Variants in UHRF2 observed in about 807,000 individuals in gnomAD.
UHRF2 encodes E3 ubiquitin-protein ligase UHRF2.
A neutral mutation model predicts 96.8 loss-of-function variants in UHRF2; 23 were observed. The ratio of observed to expected loss-of-function variants is 0.24; its 90% CI spans 0.17 to 0.34. The LOEUF (loss-of-function observed/expected upper bound fraction) is 0.34, where lower values mean the gene tolerates loss of function less well. Among genes scored for constraint, UHRF2 ranks in the 10% least tolerant of loss-of-function variants. The pLI, the probability that UHRF2 is intolerant of heterozygous loss-of-function variation, is 1.00. For missense variants in UHRF2, 685 were observed against 981.5 expected, an observed-to-expected ratio of 0.70 and a Z score of 4.04; for synonymous variants, 385 against 332.6, an observed-to-expected ratio of 1.16 and a Z score of -1.72.
At chr9:6,443,378 C>T (rs1316050477) in intron 3 of UHRF2, among the ~76,000 whole-genome samples, 1 of 152,172 alleles carries the variant, frequency 6.6e-6, no homozygotes, top group Non-Finnish European at 1.5e-5. Context: ...GTGGGAATAA[C>T]TGAGGTTTAA....
rs111418823 is a variant in UHRF2, at chr9:6,488,960, G to A, written c.1497+2035G>A. Among the ~76,000 whole-genome samples the A allele has an allele frequency of 5.3e-3, 808 of 151,918 alleles. 7 individuals are homozygous for A. Among genetic ancestry groups the A allele is most frequent in the African/African-American group, 0.018 (751 of 41,418 alleles). ...TCCGAGTAGCTGGGACTACAGGCAT[G>A]CATCGCCATTGACTAATTTTTGTAT... On this transcript the variant is annotated intron_variant, in intron 9 of 15. Coordinates refer to ENST00000276893, the MANE Select transcript of UHRF2 (RefSeq NM_152896.3).
At chr9:6,463,682 G>A (rs1822693221) in intron 4 of UHRF2, among the ~76,000 whole-genome samples, 1 of 152,050 alleles carries the variant, frequency 6.6e-6, no homozygotes, top group South Asian at 2.1e-4. Context: ...TGTTGTCCAG[G>A]CTGGTTTCGA....
chr9:6,486,781 G>T (rs761599432), intron 8 of UHRF2, 40 bp from the exon 9 acceptor site: 26 of 1,591,716 alleles, frequency 1.6e-5, no homozygotes, highest in Middle Eastern at 1.7e-4. Context: ...TATCTTAACT[G>T]TTCAGAGGTA....
intron 2 of UHRF2, among the ~76,000 whole-genome samples, chr9:6,426,689 C>G (rs982227421): frequency 3.3e-5 from 5 of 152,084 alleles, no homozygotes; most frequent in African/African-American, 9.7e-5. Flanking sequence ...CACATACTGA[C>G]TTGTTGACTA....
intron 9 of UHRF2, chr9:6,492,832 C>CTTTTTTTTTTTTT (rs34371545): frequency 1.0e-4 from 9 of 89,488 alleles, no homozygotes; most frequent in Non-Finnish European, 1.3e-4. Context: ...GAGCTTTTGG[C>CTTTTTTTTTTTTT]TTTTTTTTTT....
chr9:6,443,141 C>A (rs192398679), intron 3 of UHRF2, among the ~76,000 whole-genome samples: 1 of 152,184 alleles, frequency 6.6e-6, no homozygotes, highest in African/African-American at 2.4e-5. Context: ...TGTATCTGAT[C>A]TTAAGAATGA....
intron 9 of UHRF2, among the ~76,000 whole-genome samples, chr9:6,488,841 C>G (rs1190742487): frequency 1.3e-5 from 2 of 148,768 alleles, no homozygotes; most frequent in Non-Finnish European, 3.0e-5. Flanking sequence ...GAGATAGAGT[C>G]TCACTCTGTC....
Position 6,436,293 on chromosome 9 carries a change from C to T in UHRF2, c.644+2120C>T, listed in dbSNP as rs1820845805. ...CTTATTGTGGTTGTGGCTAAGCGGCCAACACTGCTTACTTGACATGATAGA... is the reference window on the plus strand; with the variant it reads ...CTTATTGTGGTTGTGGCTAAGCGGCTAACACTGCTTACTTGACATGATAGA... On this transcript the variant is annotated intron_variant, in intron 3 of 15. Transcript: ENST00000276893. Among the ~76,000 whole-genome samples, 2 of 151,984 alleles carry T rather than the reference C, an allele frequency of 1.3e-5. 1 individual carries two copies. The highest frequency in any genetic ancestry group is 4.1e-4 in the South Asian group (2 of 4,824).
At chr9:6,450,758 C>T (rs1414449699) in intron 3 of UHRF2, among the ~76,000 whole-genome samples, 2 of 152,158 alleles carry the variant, frequency 1.3e-5, no homozygotes, top group Non-Finnish European at 2.9e-5. Context: ...TTTGGAAGAT[C>T]CTTCAAGTTT....
Position 6,413,343 on chromosome 9 carries a change from G to A in UHRF2, c.-148G>A. On this transcript the variant is annotated 5_prime_UTR_variant, in exon 1 of 16. Transcript: ENST00000276893. ...CGCTGAGAGTCGTCGCCGCCTGTCG[G>A]GCCCGGCGTCCGGTCGGTCCGGTGG... 1.3e-6 allele frequency: 1 copy of A among 756,524 alleles called. No individual in the cohort carries two copies. Among genetic ancestry groups the A allele is most frequent in the Non-Finnish European group, 1.7e-6 (1 of 580,232 alleles). 46.9% of individuals were successfully genotyped at this position (756,524 alleles called of 1,614,324 possible).
intron 4 of UHRF2, among the ~76,000 whole-genome samples, chr9:6,462,409 G>A (rs1822599220): frequency 6.6e-6 from 1 of 152,050 alleles, no homozygotes; most frequent in Admixed American, 6.6e-5. Context: ...ACAAAAGTGT[G>A]ATTCTATTGC....
rs1273474084 is a variant in UHRF2 at position 6,421,006 on chromosome 9, C to T, written c.248C>T (p.Thr83Ile). Residue 83 changes from threonine (T) to isoleucine (I), a missense_variant, in exon 2 of 16, where the codon ACA becomes ATA. By Grantham distance (89) the Thr-to-Ile change is moderately conservative. Around this residue, in one of 6 missense-constraint regions of UHRF2, gnomAD observed 391 missense variants for 437.0 expected, o/e 0.89. Coordinates refer to ENST00000276893, the MANE Select transcript of UHRF2 (RefSeq NM_152896.3). ...VRPDPDHLPG[T>I]STQIEAKPCS... ...CCAGACCCTGATCATCTTCCTGGCA[C>T]ATCTACACAGATTGAGGCTAAACCC... 1.2e-6 allele frequency: 2 copies of T among 1,613,310 alleles called. No homozygotes were observed. The highest frequency in any genetic ancestry group is 1.1e-5 in the South Asian group (1 of 90,998).
At chr9:6,423,597 G>A (rs1013602950) in intron 2 of UHRF2, among the ~76,000 whole-genome samples, 2 of 149,234 alleles carry the variant, frequency 1.3e-5, no homozygotes, top group East Asian at 3.9e-4. Flanking sequence ...AATTTAAAAT[G>A]TTTTCTGCAT....
intron 4 of UHRF2, among the ~76,000 whole-genome samples, chr9:6,474,980 A>G (rs773806645): frequency 3.9e-5 from 6 of 152,234 alleles, no homozygotes; most frequent in East Asian, 1.9e-4. Flanking sequence ...TATTGCTTAC[A>G]TAAAAGAAAT....
chr9:6,435,809 A>G (rs1018754771), intron 3 of UHRF2, among the ~76,000 whole-genome samples: 3 of 151,976 alleles, frequency 2.0e-5, no homozygotes, highest in Non-Finnish European at 4.4e-5. Context: ...GGGTTTCACT[A>G]TGTTGGCCAC....
chr9:6,459,150 G>A (rs957635685), intron 3 of UHRF2, among the ~76,000 whole-genome samples: 2 of 152,064 alleles, frequency 1.3e-5, no homozygotes, highest in Non-Finnish European at 2.9e-5. Flanking sequence ...AAACCACCGT[G>A]GCACCTGTAT....
At chr9:6,478,858 A>C (rs575493616) in intron 6 of UHRF2, among the ~76,000 whole-genome samples, 1 of 152,260 alleles carries the variant, frequency 6.6e-6, no homozygotes, top group African/African-American at 2.4e-5. Context: ...TCCTACTACT[A>C]CCTCATATGA....
At chr9:6,499,138 T>A (rs1404006649) in intron 12 of UHRF2, 1 of 152,274 alleles carries the variant, frequency 6.6e-6, no homozygotes, top group Non-Finnish European at 1.5e-5. Context: ...TATTTGAAAC[T>A]GTGAGCAGAA....
intron 8 of UHRF2, 132 bp downstream of exon 8, chr9:6,482,231 T>A: frequency 8.0e-6 from 6 of 748,924 alleles, no homozygotes; most frequent in South Asian, 1.7e-5. Context: ...TTTTTTAGGA[T>A]GGGTGTACTC....
Sources: allele counts gnomAD v4.1 joint callset (sites outside exome capture counted in the v4.1 genomes callset), GRCh38; gene constraint gnomAD v4.1.1; regional missense constraint gnomAD v4.1.1; transcripts MANE v1.5; gene names NCBI Gene and HGNC (gene_info 2026-07-23, HGNC 2026-07-21).